Variants in SRBD1 observed in about 807,000 individuals in gnomAD.
SRBD1 encodes S1 RNA-binding domain-containing protein 1.
Under a neutral mutation model 115.3 loss-of-function variants are expected in SRBD1, and 88 were observed. The observed-to-expected ratio is 0.76, with a 90% CI of 0.64 to 0.91. The LOEUF is 0.91. Ranked by LOEUF, SRBD1 falls within the 40% of genes least tolerant of loss-of-function variation. The pLI, the probability that SRBD1 is intolerant of heterozygous loss-of-function variation, is 0.00. For missense variants in SRBD1, 1,385 were observed against 1,177.4 expected (o/e 1.18, Z -2.58); for synonymous variants, 509 against 407.7 (o/e 1.25, Z -2.99).
Position 45,574,565 on chromosome 2 carries a change from A to AACAG in SRBD1, c.1169+61_1169+62insCTGT. ...TTAATGAACATTGGTATTAGCACTA[A>AACAG]CCGTGTGACCCTTAACAGCATGAGT... is the stretch of plus-strand genomic sequence containing the variant. On this transcript the variant is annotated intron_variant, in intron 8 of 20. Coordinates refer to ENST00000263736, the MANE Select transcript of SRBD1 (RefSeq NM_018079.5). The AACAG allele has an allele frequency of 4.1e-6, 6 of 1,480,022 alleles. No individual in the cohort carries two copies. In the South Asian group the frequency reaches 6.1e-5, roughly 15 times the overall value. The allele number at this position is 1,480,022 out of a possible 1,614,324, so 91.7% of individuals were successfully genotyped here.
intron 19 of SRBD1, among the ~76,000 whole-genome samples, chr2:45,407,868 C>T (rs941090593): frequency 1.3e-5 from 2 of 151,598 alleles, no homozygotes; most frequent in African/African-American, 4.8e-5. Flanking sequence ...ATAAATAAGG[C>T]CTTTAAAAAA....
intron 14 of SRBD1, among the ~76,000 whole-genome samples, chr2:45,524,773 T>C (rs897139961): frequency 1.3e-5 from 2 of 152,050 alleles, no homozygotes; most frequent in African/African-American, 2.4e-5. Flanking sequence ...GTTGATTTCT[T>C]TGGAGAAATT....
chr2:45,451,975 A>C (rs566650359), intron 16 of SRBD1, among the ~76,000 whole-genome samples: 39 of 152,068 alleles, frequency 2.6e-4, no homozygotes, highest in Middle Eastern at 3.4e-3. Flanking sequence ...GGGGGATCCC[A>C]CAGTTAACCA....
At chr2:45,573,364 C>G (rs781395313) in intron 8 of SRBD1, 22 bp from the exon 9 acceptor site, 22 of 1,580,698 alleles carry the variant, frequency 1.4e-5, no homozygotes, top group Non-Finnish European at 1.9e-5. Flanking sequence ...CACAAGTGTT[C>G]AAAAAACAAG....
At chr2:45,581,472 G>A (rs1049335883) in intron 6 of SRBD1, among the ~76,000 whole-genome samples, 1 of 152,028 alleles carries the variant, frequency 6.6e-6, no homozygotes, top group African/African-American at 2.4e-5. Flanking sequence ...GAAATTCCTT[G>A]AGACAAAGAC....
intron 16 of SRBD1, among the ~76,000 whole-genome samples, chr2:45,467,550 G>A (rs1436311028): frequency 6.6e-6 from 1 of 152,070 alleles, no homozygotes; most frequent in Non-Finnish European, 1.5e-5. Flanking sequence ...GGCCACATCT[G>A]TCTAAAATGA....
intron 9 of SRBD1, among the ~76,000 whole-genome samples, chr2:45,571,566 T>C (rs72882464): frequency 0.01 from 1,376 of 132,416 alleles, 28 homozygotes; most frequent in African/African-American, 0.037. Flanking sequence ...AGCTTAGACA[T>C]TGACCTTACA....
intron 9 of SRBD1, among the ~76,000 whole-genome samples, chr2:45,571,087 T>C (rs1031964454): frequency 4.6e-5 from 7 of 152,170 alleles, no homozygotes; most frequent in South Asian, 4.2e-4. Flanking sequence ...TCTGAAAAGA[T>C]CTGAGGGAAC....
At chr2:45,540,145 A>C (rs989652508) in intron 14 of SRBD1, among the ~76,000 whole-genome samples, 6 of 152,146 alleles carry the variant, frequency 3.9e-5, no homozygotes, top group African/African-American at 9.7e-5. Flanking sequence ...GTTCAAGACC[A>C]GCCTGACCAA....
chr2:45,548,245 A>C (rs1219632131), intron 12 of SRBD1, among the ~76,000 whole-genome samples: 1 of 152,020 alleles, frequency 6.6e-6, no homozygotes, highest in African/African-American at 2.4e-5. Flanking sequence ...AGTTAAAAGC[A>C]AAAATTAACA....
At chr2:45,598,509 G>A (rs1428320708) in intron 4 of SRBD1, among the ~76,000 whole-genome samples, 1 of 152,010 alleles carries the variant, frequency 6.6e-6, no homozygotes, top group Non-Finnish European at 1.5e-5. Flanking sequence ...AGCTACTCGG[G>A]AGGCTGAGGC....
At chr2:45,438,931 T>C (rs529640898) in intron 16 of SRBD1, among the ~76,000 whole-genome samples, 1 of 152,278 alleles carries the variant, frequency 6.6e-6, no homozygotes. Flanking sequence ...CTAGAAACTT[T>C]ATGGTCAAAC....
intron 16 of SRBD1, among the ~76,000 whole-genome samples, chr2:45,455,422 A>G (rs1007614269): frequency 6.6e-6 from 1 of 151,896 alleles, no homozygotes; most frequent in African/African-American, 2.4e-5. Context: ...TGGGCTGCCT[A>G]AATTATTTTT....
intron 16 of SRBD1, among the ~76,000 whole-genome samples, chr2:45,461,493 G>A (rs1380648389): frequency 6.6e-6 from 1 of 152,136 alleles, no homozygotes; most frequent in Non-Finnish European, 1.5e-5. Flanking sequence ...TTCAATGGCT[G>A]TTTATGAGTA....
intron 16 of SRBD1, among the ~76,000 whole-genome samples, chr2:45,444,308 G>C (rs1489286190): frequency 1.3e-5 from 2 of 152,162 alleles, no homozygotes; most frequent in Admixed American, 1.3e-4. Flanking sequence ...AGGAGACTGA[G>C]GTGGGAGAGT....
chr2:45,491,322 C>T (rs1274730695), intron 14 of SRBD1, among the ~76,000 whole-genome samples: 1 of 152,126 alleles, frequency 6.6e-6, no homozygotes, highest in Non-Finnish European at 1.5e-5. Context: ...TTTAATATTA[C>T]ATTTCACAAA....
In SRBD1 at chr2:45,418,469, G is replaced by A; in HGVS notation, c.2229C>T (p.Ile743=). 6.2e-7 allele frequency: 1 copy of A among 1,613,868 alleles called. No homozygotes were observed. The highest frequency in any genetic ancestry group is 2.2e-5 in the East Asian group (1 of 44,878). The change falls in exon 18 of 21, where the codon ATC becomes ATT. Residue 743 remains isoleucine (I), a synonymous_variant. Coordinates refer to ENST00000263736, the MANE Select transcript of SRBD1 (RefSeq NM_018079.5). ...TCACTTTCTTCAGCTGTTCTCGGTT[G>A]ATAAAGGGTCCATTTTTCTCTCGCC... The part of the protein sequence containing the change: ...IEWREKNGPF[I]NREQLKKVKG...
At chr2:45,391,527 C>T (rs893290503) in intron 20 of SRBD1, among the ~76,000 whole-genome samples, 3 of 152,146 alleles carry the variant, frequency 2.0e-5, no homozygotes, top group Admixed American at 6.5e-5. Flanking sequence ...CCTTCCTCAC[C>T]TTGGGTATGT....
intron 14 of SRBD1, among the ~76,000 whole-genome samples, chr2:45,513,142 T>C (rs1671019121): frequency 6.6e-6 from 1 of 152,288 alleles, no homozygotes; most frequent in East Asian, 1.9e-4. Flanking sequence ...GCCCTAACAA[T>C]ATTCTTCTAT....
Sources: allele counts gnomAD v4.1 joint callset (sites outside exome capture counted in the v4.1 genomes callset), GRCh38; gene constraint gnomAD v4.1.1; transcripts MANE v1.5; gene names NCBI Gene and HGNC (gene_info 2026-07-23, HGNC 2026-07-21).